DENND1A: variants seen among roughly 807,000 people sequenced by gnomAD.
DENND1A encodes the protein DENN domain containing 1A.
In DENND1A, 51 loss-of-function variants were observed where a neutral mutation model predicts 113.7. The observed-to-expected ratio is 0.45, with a 90% CI of 0.36 to 0.57. The LOEUF (loss-of-function observed/expected upper bound fraction) is 0.57, where lower values mean the gene tolerates loss of function less well. DENND1A is among the 20% of genes least tolerant of loss of function. DENND1A has a pLI of 0.00. For missense variants in DENND1A, 1,258 were observed against 1,395.9 expected, an observed-to-expected ratio of 0.90 and a Z score of 1.57; for synonymous variants, 565 against 570.8, an observed-to-expected ratio of 0.99 and a Z score of 0.14.
chr9:123,894,736 T>A (rs564429752), intron 1 of DENND1A, among the ~76,000 whole-genome samples: 1 of 152,198 alleles, frequency 6.6e-6, no homozygotes, highest in African/African-American at 2.4e-5. Context: ...AAAATGTAAT[T>A]TCTTTTCAAA....
intron 1 of DENND1A, among the ~76,000 whole-genome samples, chr9:123,900,296 C>A (rs1164971753): frequency 1.3e-5 from 2 of 152,138 alleles, no homozygotes; most frequent in Non-Finnish European, 2.9e-5. Context: ...TGTAATTATG[C>A]AATATACAGC....
At chr9:123,577,796 GCACATTTTAGGA>G (rs2058703731) in intron 12 of DENND1A, among the ~76,000 whole-genome samples, 1 of 152,128 alleles carries the variant, frequency 6.6e-6, no homozygotes, top group South Asian at 2.1e-4. Context: ...TTAAAATCCA[GCACATTTTAGGA>G]CCCCTAAAGC....
chr9:123,546,904 A>G (rs2056736321), intron 13 of DENND1A, among the ~76,000 whole-genome samples: 1 of 152,232 alleles, frequency 6.6e-6, no homozygotes. Flanking sequence ...CATTTTGATC[A>G]TATTCAGTTA....
Position 123,382,557 on chromosome 9 carries a change from G to A in DENND1A, c.2088C>T (p.Tyr696=), listed in dbSNP as rs1248575413. ...CCTGGCCCAGGCTCCAGAGCTTGTT[G>A]TACGGGTGGGTAAGCTTCAAGGCCA... ...VTVALKLTHP[Y]NKLWSLGQDD... The change falls in exon 24 of 24, where the codon TAC becomes TAT. Residue 696 remains tyrosine (Y), a synonymous_variant. Transcript: ENST00000394215. The A allele has an allele frequency of 3.7e-6, 6 of 1,613,990 alleles. No homozygotes were observed. In the African/African-American group the frequency reaches 8.0e-5, roughly 22 times the overall value.
intron 15 of DENND1A, among the ~76,000 whole-genome samples, chr9:123,456,085 A>G: frequency 6.6e-6 from 1 of 152,138 alleles, no homozygotes; most frequent in South Asian, 2.1e-4. Flanking sequence ...GTGACTGGCT[A>G]TTGCTGTTTG....
chr9:123,622,293 C>G (rs2061001455), intron 10 of DENND1A, among the ~76,000 whole-genome samples: 1 of 152,068 alleles, frequency 6.6e-6, no homozygotes, highest in Non-Finnish European at 1.5e-5. Flanking sequence ...TAGAATAAAC[C>G]AAATATACAA....
chr9:123,817,250 T>C (rs929200022), intron 2 of DENND1A, among the ~76,000 whole-genome samples: 3 of 152,192 alleles, frequency 2.0e-5, no homozygotes, highest in Non-Finnish European at 2.9e-5. Context: ...TAGAACTGCT[T>C]TGAGCCCTAT....
chr9:123,689,077 T>A (rs942613038), intron 5 of DENND1A, among the ~76,000 whole-genome samples: 1 of 152,284 alleles, frequency 6.6e-6, no homozygotes, highest in Non-Finnish European at 1.5e-5. Flanking sequence ...TAGGCTGGAG[T>A]GCAGTGGCGT....
intron 5 of DENND1A, among the ~76,000 whole-genome samples, chr9:123,700,428 T>G (rs7860055): frequency 0.29 from 44,691 of 152,048 alleles, 7,521 homozygotes; most frequent in African/African-American, 0.47. Context: ...TTATGTTAAG[T>G]AACTGGTTGA....
chr9:123,480,434 T>C (rs1361540048), intron 13 of DENND1A, among the ~76,000 whole-genome samples: 2 of 152,246 alleles, frequency 1.3e-5, no homozygotes, highest in Non-Finnish European at 2.9e-5. Context: ...CAATCATTGC[T>C]ACAGGCCTGG....
intron 13 of DENND1A, among the ~76,000 whole-genome samples, chr9:123,476,524 A>G (rs1416495328): frequency 6.6e-6 from 1 of 152,148 alleles, no homozygotes; most frequent in African/African-American, 2.4e-5. Context: ...TCACCTGATC[A>G]GTGGTTCCTA....
At chr9:123,887,757 C>A (rs570167720) in intron 1 of DENND1A, among the ~76,000 whole-genome samples, 1 of 151,820 alleles carries the variant, frequency 6.6e-6, no homozygotes, top group South Asian at 2.1e-4. Flanking sequence ...AAGAAGGAGG[C>A]GAGCATGCAC....
intron 13 of DENND1A, among the ~76,000 whole-genome samples, chr9:123,504,085 T>G (rs1363805492): frequency 6.6e-6 from 1 of 152,222 alleles, no homozygotes; most frequent in East Asian, 1.9e-4. Flanking sequence ...ATCGTTCTCT[T>G]TGCTTCTTTC....
At chr9:123,598,400 C>T (rs2059792200) in intron 11 of DENND1A, among the ~76,000 whole-genome samples, 1 of 145,230 alleles carries the variant, frequency 6.9e-6, no homozygotes, top group African/African-American at 2.6e-5. Context: ...CCCTGATTTA[C>T]ACTTTGAGGT....
At chr9:123,902,987 C>T (rs1464017484) in intron 1 of DENND1A, among the ~76,000 whole-genome samples, 1 of 151,936 alleles carries the variant, frequency 6.6e-6, no homozygotes, top group Non-Finnish European at 1.5e-5. Context: ...GGGTTTATCC[C>T]AGGAATGCAA....
At chr9:123,688,684 G>A (rs1484277049) in intron 5 of DENND1A, among the ~76,000 whole-genome samples, 1 of 152,118 alleles carries the variant, frequency 6.6e-6, no homozygotes, top group Non-Finnish European at 1.5e-5. Context: ...AGAACAGAGG[G>A]CCCCAAACAC....
At chr9:123,457,935 G>T in intron 13 of DENND1A, 38 bp from the exon 14 acceptor site, 1 of 1,481,886 alleles carries the variant, frequency 6.7e-7, no homozygotes, top group South Asian at 1.2e-5. Flanking sequence ...TCAGTGGCAC[G>T]GAGCAAGAGC....
Position 123,379,835 on chromosome 9 carries a change from C to T in DENND1A, c.*1597G>A, listed in dbSNP as rs2042187747. On this transcript the variant is annotated 3_prime_UTR_variant, in exon 24 of 24. Transcript: ENST00000394215. ...TTCCCTGGGGCCGCCAGCACCTCCT[C>T]TGCCCTATCCCGGATGGGGCCTGGG... 6.6e-6 allele frequency: 1 copy of T among 152,550 alleles called. No homozygotes were observed. Among genetic ancestry groups the T allele is most frequent in the Middle Eastern group, 3.2e-3 (1 of 316 alleles). 9.4% of individuals were successfully genotyped at this position (152,550 alleles called of 1,614,324 possible).
At chr9:123,447,756 C>T (rs1157208484) in intron 18 of DENND1A, among the ~76,000 whole-genome samples, 2 of 150,320 alleles carry the variant, frequency 1.3e-5, no homozygotes, top group Non-Finnish European at 3.0e-5. Flanking sequence ...ACATTCGTTG[C>T]CAGATAAAGG....
Sources: allele counts gnomAD v4.1 joint callset (sites outside exome capture counted in the v4.1 genomes callset), GRCh38; gene constraint gnomAD v4.1.1; transcripts MANE v1.5; gene names NCBI Gene and HGNC (gene_info 2026-07-23, HGNC 2026-07-21).